Variants in CFAP69 observed in about 807,000 individuals in gnomAD.
CFAP69 encodes cilia and flagella associated protein 69.
Under a neutral mutation model 123.0 loss-of-function variants are expected in CFAP69, and 92 were observed. The ratio of observed to expected loss-of-function variants is 0.75; its 90% CI spans 0.63 to 0.89. CFAP69 has a LOEUF of 0.89. Among genes scored for constraint, CFAP69 ranks in the 40% least tolerant of loss-of-function variants. CFAP69 has a pLI of 0.00. For missense variants in CFAP69, 1,067 were observed against 1,096.9 expected (o/e 0.97, Z 0.39); for synonymous variants, 380 against 364.3 (o/e 1.04, Z -0.49).
downstream of CFAP69, among the ~76,000 whole-genome samples, chr7:90,314,870 C>G (rs776546372): frequency 2.0e-5 from 3 of 151,506 alleles, no homozygotes; most frequent in Non-Finnish European, 2.9e-5. Flanking sequence ...TCGCTCCCCC[C>G]CCTGCTTTAA....
intron 5 of CFAP69, 46 bp downstream of exon 5, chr7:90,265,423 G>T: frequency 7.9e-7 from 1 of 1,263,208 alleles, no homozygotes; most frequent in Non-Finnish European, 1.1e-6. Context: ...CATACGACAG[G>T]TCCTACTGAC....
intron 8 of CFAP69, among the ~76,000 whole-genome samples, chr7:90,273,691 G>A (rs1422983381): frequency 5.3e-5 from 8 of 152,106 alleles, no homozygotes; most frequent in Admixed American, 4.6e-4. Context: ...TTCAGTTTGG[G>A]AGGCTAGAAT....
chr7:90,314,693 AC>A (rs1285904344), downstream of CFAP69, among the ~76,000 whole-genome samples: 1 of 112,810 alleles, frequency 8.9e-6, no homozygotes, highest in South Asian at 2.7e-4. Flanking sequence ...CAAATTTAAA[AC>A]TTTTTTTTTT....
chr7:90,313,594 A>G (rs1287053805), downstream of CFAP69, among the ~76,000 whole-genome samples: 2 of 152,202 alleles, frequency 1.3e-5, no homozygotes, highest in Non-Finnish European at 2.9e-5. Flanking sequence ...CTGAGCTCCC[A>G]GTGGCCAAAG....
At chr7:90,289,456 A>C (rs1239301116) in intron 15 of CFAP69, among the ~76,000 whole-genome samples, 1 of 152,060 alleles carries the variant, frequency 6.6e-6, no homozygotes, top group Non-Finnish European at 1.5e-5. Flanking sequence ...TCCCTACTCA[A>C]GTCTCTTGCT....
intron 1 of CFAP69, among the ~76,000 whole-genome samples, chr7:90,251,340 T>C (rs1796982220): frequency 6.6e-6 from 1 of 152,132 alleles, no homozygotes; most frequent in African/African-American, 2.4e-5. Context: ...TAGCTGGAAG[T>C]AGGGTATCCT....
At chr7:90,300,136 C>G (rs1584522945) in intron 17 of CFAP69, 77 bp downstream of exon 17, 2 of 1,262,848 alleles carry the variant, frequency 1.6e-6, no homozygotes, top group Non-Finnish European at 1.0e-6. Flanking sequence ...ATTAAGAAAG[C>G]ATCAGGCCTT....
chr7:90,273,718 C>CA (rs1177488844), intron 8 of CFAP69, among the ~76,000 whole-genome samples: 2 of 151,984 alleles, frequency 1.3e-5, no homozygotes, highest in Non-Finnish European at 2.9e-5. Flanking sequence ...ATCAGGGTGC[C>CA]AGTGTGGTTG....
At chr7:90,305,647 G>A (rs1374538845) in intron 19 of CFAP69, among the ~76,000 whole-genome samples, 2 of 151,866 alleles carry the variant, frequency 1.3e-5, no homozygotes, top group South Asian at 2.1e-4. Context: ...AAGGTCAGGA[G>A]TTCGAGACCA....
chr7:90,265,840 A>G (rs1392506559), intron 5 of CFAP69, among the ~76,000 whole-genome samples: 2 of 152,202 alleles, frequency 1.3e-5, no homozygotes, highest in East Asian at 3.8e-4. Context: ...AAAGATGCAG[A>G]TGCCTATATT....
the CFAP69 span, chr7:90,319,434 C>T: frequency 2.5e-6 from 1 of 398,572 alleles, no homozygotes; most frequent in Non-Finnish European, 4.4e-6. Context: ...ATCTTGAAAG[C>T]AAGCAGTCTA....
intron 17 of CFAP69, chr7:90,302,575 G>A (rs1296280381): frequency 6.6e-6 from 1 of 152,188 alleles, no homozygotes. Context: ...TTATTAAATA[G>A]GGAGTTATTT....
chr7:90,297,190 GTC>G (rs374611898), intron 15 of CFAP69, among the ~76,000 whole-genome samples: 21 of 152,328 alleles, frequency 1.4e-4, no homozygotes, highest in African/African-American at 4.6e-4. Context: ...GCTGTGAAGA[GTC>G]TGTTTTTTCA....
intron 5 of CFAP69, among the ~76,000 whole-genome samples, chr7:90,267,384 G>A (rs1799296776): frequency 6.6e-6 from 1 of 152,056 alleles, no homozygotes; most frequent in Non-Finnish European, 1.5e-5. Flanking sequence ...ACCAGTTCTA[G>A]TTTAGTTCTA....
chr7:90,245,411 C>A lies in CFAP69; in HGVS notation c.-14C>A, dbSNP rs1339221860. 2 of 1,538,460 alleles carry A rather than the reference C, an allele frequency of 1.3e-6. No homozygotes were observed. The highest frequency in any genetic ancestry group is 2.1e-5 in the Admixed American group (1 of 48,710). ...AGGAAGATCCCCCCACTCTCCACCC[C>A]GCCGCCACCGGCCATGTGGACAGAG... is the stretch of plus-strand genomic sequence containing the variant. On this transcript the variant is annotated 5_prime_UTR_variant, in exon 1 of 23. Coordinates refer to ENST00000389297, the MANE Select transcript of CFAP69 (RefSeq NM_001039706.3).
chr7:90,268,346 A>T lies in CFAP69; in HGVS notation c.494A>T (p.Asp165Val). 1 of 1,610,594 alleles carries T rather than the reference A, an allele frequency of 6.2e-7. No individual in the cohort carries two copies. Among genetic ancestry groups the T allele is most frequent in the South Asian group, 1.1e-5 (1 of 90,290 alleles). Residue 165 changes from aspartate (D) to valine (V), a missense_variant, in exon 6 of 23, where the codon GAT becomes GTT. Asp to Val is a radical substitution (Grantham distance 152). Coordinates refer to ENST00000389297, the MANE Select transcript of CFAP69 (RefSeq NM_001039706.3). The part of the protein sequence containing the change: ...LRIQICKCIV[D>V]FYHAEPPKKH... ...ATACAAATTTGTAAGTGTATTGTTG[A>T]TTTTTATCATGCAGAACCACCAAAG...
intron 18 of CFAP69, chr7:90,304,436 TA>T: frequency 8.3e-7 from 1 of 1,206,432 alleles, no homozygotes; most frequent in Non-Finnish European, 1.0e-6. Context: ...TGCTGTCTAT[TA>T]AGGAAAAAGT....
chr7:90,308,578 G>C, intron 21 of CFAP69, among the ~76,000 whole-genome samples: 1 of 152,084 alleles, frequency 6.6e-6, no homozygotes, highest in Non-Finnish European at 1.5e-5. Context: ...TAGTCCACAA[G>C]ACGGTGGAAC....
the CFAP69 span, chr7:90,319,391 G>T: frequency 1.0e-5 from 4 of 398,248 alleles, no homozygotes; most frequent in African/African-American, 8.2e-5. Flanking sequence ...TTATATTTGG[G>T]GGGCATCACC....
Sources: allele counts gnomAD v4.1 joint callset (sites outside exome capture counted in the v4.1 genomes callset), GRCh38; gene constraint gnomAD v4.1.1; transcripts MANE v1.5; gene names NCBI Gene and HGNC (gene_info 2026-07-23, HGNC 2026-07-21).